The following PCDH11Y variants were observed in gnomAD, a reference collection of about 807,000 sequenced individuals.
The protein encoded by PCDH11Y is protocadherin 11 Y-linked.
For synonymous variants in PCDH11Y, 9 were observed against 83.6 expected (o/e 0.11, Z 4.87); for missense variants, 12 against 224.8 (o/e 0.05, Z 6.05).
intron 2 of PCDH11Y, among the ~76,000 whole-genome samples, chrY:5,421,064 AC>A (rs2053257773): frequency 3.4e-5 from 1 of 29,112 alleles, no homozygotes. Context: ...ACACACACAC[AC>A]ACACACACAC....
intron 4 of PCDH11Y, among the ~76,000 whole-genome samples, chrY:5,736,312 T>A: frequency 3.0e-5 from 1 of 33,256 alleles, no homozygotes; most frequent in Admixed American, 2.8e-4. Context: ...TTTCTATTTT[T>A]TCCATCAAGT....
At chrY:5,615,761 T>C (rs207480451) in intron 4 of PCDH11Y, among the ~76,000 whole-genome samples, 1 of 33,636 alleles carries the variant, frequency 3.0e-5, no homozygotes, top group African/African-American at 1.2e-4. Flanking sequence ...AGATGTATAT[T>C]CTTTGACTTT....
At chrY:5,050,493 C>T in intron 3 of PCDH11Y, among the ~76,000 whole-genome samples, 1 of 32,911 alleles carries the variant, frequency 3.0e-5, no homozygotes, top group Non-Finnish European at 7.5e-5. Flanking sequence ...ATGCACCATA[C>T]GTATATAGGG....
At chrY:5,083,066 C>T in intron 1 of PCDH11Y, among the ~76,000 whole-genome samples, 1 of 33,839 alleles carries the variant, frequency 3.0e-5, no homozygotes, top group East Asian at 7.9e-4. Context: ...CCAACCCAAA[C>T]GGCTGCTGAG....
At chrY:5,195,041 A>G in intron 2 of PCDH11Y, among the ~76,000 whole-genome samples, 2 of 33,282 alleles carry the variant, frequency 6.0e-5, no homozygotes, top group Non-Finnish European at 1.5e-4. Flanking sequence ...ACCTTTAACT[A>G]GACACAGAAT....
downstream of PCDH11Y, among the ~76,000 whole-genome samples, chrY:5,102,609 A>G (rs2124637216): frequency 3.1e-5 from 1 of 31,930 alleles, no homozygotes; most frequent in Non-Finnish European, 7.7e-5. Context: ...ATGGATGAAG[A>G]ACAAAAAACT....
At position 5,400,355 on chromosome Y, in the gene PCDH11Y, C is replaced by T. The variant is rs2124676918; in HGVS notation, c.3130-100702C>T. ...TTCAGCATGGGCATCATGGCCATCA[C>T]GAATATGTCACAGTGCTGCAGAGAT... is the stretch of plus-strand genomic sequence containing the variant. On this transcript the variant is annotated intron_variant, in intron 2 of 4. Coordinates refer to the PCDH11Y transcript ENST00000400457. 1.4e-4 allele frequency among the ~76,000 whole-genome samples: 5 copies of T among 34,508 alleles called. No individual in the cohort carries two copies. In the East Asian group the frequency reaches 3.9e-3, roughly 27 times the overall value. The allele number at this position is 34,508 out of a possible 37,273, so 92.6% of individuals were successfully genotyped here.
Position 5,699,839 on chromosome Y carries a change from A to G in PCDH11Y, c.3353-37433A>G, listed in dbSNP as rs1602961669. 9.1e-5 allele frequency among the ~76,000 whole-genome samples: 3 copies of G among 33,117 alleles called. No homozygotes were observed. In the East Asian group the frequency reaches 2.4e-3, roughly 27 times the overall value. The allele number at this position is 33,117 out of a possible 37,273, so 88.8% of individuals were successfully genotyped here. A position where few individuals can be genotyped will look rare whatever the true frequency, so the allele number is the denominator to read the frequency against. ...CTTGGTAGCCTGGGCTCATGAAGGG[A>G]TCTCCTGATCAGCAGGTTGCATAGA... is the stretch of plus-strand genomic sequence containing the variant. On this transcript the variant is annotated intron_variant, in intron 4 of 4. Coordinates refer to the PCDH11Y transcript ENST00000400457.
Position 5,521,574 on chromosome Y carries a change from G to A in PCDH11Y, c.3328+20319G>A, listed in dbSNP as rs1569347051. 8.5e-4 allele frequency among the ~76,000 whole-genome samples: 27 copies of A among 31,717 alleles called. No individual in the cohort carries two copies. In the East Asian group the frequency reaches 0.021, roughly 24 times the overall value. The allele number at this position is 31,717 out of a possible 37,273, so 85.1% of individuals were successfully genotyped here. Reference sequence around the variant, plus strand: ...TAAGTGAGACAGGGCATCTTAGCATGTTTTAACATGTGTTTATCAGAATAG... The same window carrying A: ...TAAGTGAGACAGGGCATCTTAGCATATTTTAACATGTGTTTATCAGAATAG... On this transcript the variant is annotated intron_variant, in intron 3 of 4. Transcript: ENST00000400457.
intron 2 of PCDH11Y, among the ~76,000 whole-genome samples, chrY:5,249,852 A>G (rs1602893557): frequency 6.1e-5 from 2 of 32,886 alleles, no homozygotes; most frequent in African/African-American, 2.4e-4. Context: ...TTTACAAGAA[A>G]AAAACCAAAC....
At chrY:5,176,383 G>C in intron 2 of PCDH11Y, among the ~76,000 whole-genome samples, 1 of 26,344 alleles carries the variant, frequency 3.8e-5, no homozygotes, top group Non-Finnish European at 8.6e-5. Flanking sequence ...AGTTTAATTA[G>C]ATCCCATTTG....
At chrY:5,136,371 A>G (rs2052840812) in intron 2 of PCDH11Y, among the ~76,000 whole-genome samples, 1 of 32,814 alleles carries the variant, frequency 3.0e-5, no homozygotes, top group South Asian at 7.1e-4. Context: ...GAAATAGTCT[A>G]CCCAAATGAG....
chrY:5,732,641 T>C, intron 4 of PCDH11Y, among the ~76,000 whole-genome samples: 1 of 31,963 alleles, frequency 3.1e-5, no homozygotes, highest in Non-Finnish European at 7.6e-5. Flanking sequence ...ACTCATTTTG[T>C]ATTATATCTC....
chrY:5,542,705 G>A, intron 3 of PCDH11Y, among the ~76,000 whole-genome samples: 1 of 32,484 alleles, frequency 3.1e-5, no homozygotes, highest in Non-Finnish European at 7.6e-5. Context: ...GGCCCTTCTC[G>A]TAGTATGCTG....
At chrY:5,541,822 G>A in intron 3 of PCDH11Y, among the ~76,000 whole-genome samples, 1 of 27,879 alleles carries the variant, frequency 3.6e-5, no homozygotes, top group Non-Finnish European at 8.4e-5. Context: ...ATGCTAGTAT[G>A]GTTGTACTAT....
chrY:5,616,440 A>C, intron 4 of PCDH11Y, among the ~76,000 whole-genome samples: 1 of 33,113 alleles, frequency 3.0e-5, no homozygotes, highest in African/African-American at 1.2e-4. Flanking sequence ...GGAATCTTTC[A>C]GGTCAGGTGA....
At chrY:5,013,001 C>T (rs2052555097) in intron 1 of PCDH11Y, among the ~76,000 whole-genome samples, 1 of 30,795 alleles carries the variant, frequency 3.2e-5, no homozygotes, top group Non-Finnish European at 7.8e-5. Context: ...AGGCGCCCGC[C>T]ACTGCGCCTG....
intron 3 of PCDH11Y, among the ~76,000 whole-genome samples, chrY:5,559,715 G>C (rs2053427012): frequency 6.1e-5 from 2 of 32,964 alleles, no homozygotes; most frequent in South Asian, 1.4e-3. Context: ...TATACGATGT[G>C]ACTTGCTCCT....
At chrY:5,192,784 T>G in intron 2 of PCDH11Y, among the ~76,000 whole-genome samples, 2 of 33,802 alleles carry the variant, frequency 5.9e-5, no homozygotes, top group Non-Finnish European at 1.5e-4. Flanking sequence ...AATCAACTCT[T>G]CACTGTAATA....
Sources: allele counts gnomAD v4.1 joint callset (sites outside exome capture counted in the v4.1 genomes callset), GRCh38; gene constraint gnomAD v4.1.1; transcripts MANE v1.5; gene names NCBI Gene and HGNC (gene_info 2026-07-23, HGNC 2026-07-21).